ANO2: variants seen among roughly 807,000 people sequenced by gnomAD.
The protein encoded by ANO2 is anoctamin 2.
Under a neutral mutation model 124.2 loss-of-function variants are expected in ANO2, and 101 were observed. The ratio of observed to expected loss-of-function variants is 0.81; its 90% CI spans 0.69 to 0.96. The LOEUF (loss-of-function observed/expected upper bound fraction) is 0.96. ANO2 is among the 40% of genes least tolerant of loss of function. ANO2 has a pLI of 0.00. For synonymous variants in ANO2, 486 were observed against 482.5 expected (o/e 1.01, Z -0.09); for missense variants, 1,293 against 1,274.5 (o/e 1.01, Z -0.22).
At chr12:5,598,542 G>T (rs901469776) in intron 20 of ANO2, among the ~76,000 whole-genome samples, 1 of 152,040 alleles carries the variant, frequency 6.6e-6, no homozygotes, top group African/African-American at 2.4e-5. Flanking sequence ...TTTTAGTAGA[G>T]ATGGAGTTTC....
intron 3 of ANO2, among the ~76,000 whole-genome samples, chr12:5,859,130 A>G (rs1268034123): frequency 4.6e-5 from 7 of 152,238 alleles, no homozygotes; most frequent in Non-Finnish European, 1.0e-4. Flanking sequence ...ATAAGTAATC[A>G]ATATGACTGG....
At chr12:5,643,994 T>C (rs1946512602) in intron 15 of ANO2, among the ~76,000 whole-genome samples, 1 of 152,236 alleles carries the variant, frequency 6.6e-6, no homozygotes, top group Non-Finnish European at 1.5e-5. Context: ...CAGAGTTTAT[T>C]AGGTATTTTA....
intron 12 of ANO2, 122 bp downstream of exon 12, chr12:5,744,035 T>TGAG: frequency 1.7e-6 from 2 of 1,192,214 alleles, no homozygotes; most frequent in African/African-American, 3.1e-5. Flanking sequence ...TTAAAATACT[T>TGAG]CTTGTGATGG....
chr12:5,599,730 C>T lies in ANO2; in HGVS notation c.2088-101G>A, dbSNP rs1041979276. On this transcript the variant is annotated intron_variant, in intron 19 of 24. Coordinates refer to ENST00000682330, the MANE Select transcript of ANO2 (RefSeq NM_001364791.2). The stretch of plus-strand genomic sequence containing the variant: ...GAACACAAAAGTTTTGACACTAAAG[C>T]CATCTCTGATCCAAAAACAAGTAGA... 6 of 1,304,470 alleles carry T rather than the reference C, an allele frequency of 4.6e-6. No homozygotes were observed. The African/African-American group carries it at 7.5e-5, about 16-fold the overall frequency. The allele number at this position is 1,304,470 out of a possible 1,614,324, so 80.8% of individuals were successfully genotyped here.
At chr12:5,751,541 G>C (rs147820160) in intron 10 of ANO2, among the ~76,000 whole-genome samples, 1 of 152,250 alleles carries the variant, frequency 6.6e-6, no homozygotes, top group East Asian at 1.9e-4. Flanking sequence ...TTTTAAGCCA[G>C]TTTACTGAGG....
chr12:5,771,618 A>G (rs1952084517), intron 10 of ANO2, among the ~76,000 whole-genome samples: 2 of 152,000 alleles, frequency 1.3e-5, no homozygotes, highest in Admixed American at 1.3e-4. Flanking sequence ...CCTCTCTACT[A>G]AAAATACAAA....
At chr12:5,918,598 C>T (rs1030440854) in intron 3 of ANO2, among the ~76,000 whole-genome samples, 2 of 152,110 alleles carry the variant, frequency 1.3e-5, no homozygotes, top group Admixed American at 6.5e-5. Context: ...CACCATCACG[C>T]CTGGCTAACT....
chr12:5,782,433 T>G (rs531140001), intron 10 of ANO2, among the ~76,000 whole-genome samples: 58 of 152,364 alleles, frequency 3.8e-4, no homozygotes, highest in South Asian at 2.3e-3. Flanking sequence ...TTATACTTAA[T>G]GTAATTATCA....
intron 14 of ANO2, among the ~76,000 whole-genome samples, chr12:5,730,157 TA>T (rs769130498): frequency 3.3e-5 from 5 of 152,308 alleles, no homozygotes; most frequent in East Asian, 1.9e-4. Context: ...TGTGCATATA[TA>T]AAAATATGCA....
At chr12:5,757,946 T>C (rs1347397050) in intron 10 of ANO2, among the ~76,000 whole-genome samples, 1 of 152,214 alleles carries the variant, frequency 6.6e-6, no homozygotes, top group Admixed American at 6.5e-5. Context: ...TTTGCCCTTA[T>C]GCACAAGGTC....
At chr12:5,851,826 G>A in intron 4 of ANO2, 1 of 682,260 alleles carries the variant, frequency 1.5e-6, no homozygotes. Flanking sequence ...AAGACGGGAA[G>A]GAAAGCAAAG....
At chr12:5,576,135 T>G in intron 22 of ANO2, 120 bp from the exon 23 acceptor site, 3 of 1,041,310 alleles carry the variant, frequency 2.9e-6, no homozygotes, top group Non-Finnish European at 4.0e-6. Flanking sequence ...TGCAGCATGA[T>G]CAGGTCCCTG....
At chr12:5,591,368 A>T (rs1040711285) in intron 20 of ANO2, among the ~76,000 whole-genome samples, 1 of 152,208 alleles carries the variant, frequency 6.6e-6, no homozygotes, top group Non-Finnish European at 1.5e-5. Context: ...CTTAAAGAAC[A>T]TGCAATGGTT....
Position 5,624,303 on chromosome 12 carries a change from G to A in ANO2, c.1817-9006C>T, listed in dbSNP as rs116552638. On this transcript the variant is annotated intron_variant, in intron 16 of 24. Transcript: ENST00000682330. ...GACAGAGAGACAGACAGACAGAGGCGTATTCTGTTATAGGCCAATCATGAG... is the reference window on the plus strand; with the variant it reads ...GACAGAGAGACAGACAGACAGAGGCATATTCTGTTATAGGCCAATCATGAG... Among the ~76,000 whole-genome samples the A allele has an allele frequency of 5.4e-3, 810 of 151,094 alleles. 6 individuals are homozygous for A. The highest frequency in any genetic ancestry group is 0.018 in the African/African-American group (742 of 40,554).
At chr12:5,712,522 T>C (rs1003372268) in intron 14 of ANO2, among the ~76,000 whole-genome samples, 5 of 152,142 alleles carry the variant, frequency 3.3e-5, no homozygotes, top group Non-Finnish European at 7.3e-5. Flanking sequence ...AGATGGATTC[T>C]CTCCTAGAGA....
At chr12:5,571,793 G>A (rs1051464212) in intron 23 of ANO2, among the ~76,000 whole-genome samples, 9 of 152,050 alleles carry the variant, frequency 5.9e-5, no homozygotes, top group African/African-American at 2.2e-4. Context: ...CATCCATAGA[G>A]GTTATGCCTC....
At chr12:5,909,924 C>A (rs2136290947) in intron 3 of ANO2, among the ~76,000 whole-genome samples, 1 of 152,216 alleles carries the variant, frequency 6.6e-6, no homozygotes, top group African/African-American at 2.4e-5. Flanking sequence ...AATCTATGGA[C>A]CCTACTCAGA....
intron 14 of ANO2, among the ~76,000 whole-genome samples, chr12:5,678,218 G>A (rs1277988910): frequency 3.3e-5 from 5 of 152,138 alleles, no homozygotes; most frequent in African/African-American, 9.7e-5. Flanking sequence ...ATGTCCTGAC[G>A]CTGATTGAGA....
At chr12:5,924,024 C>A (rs570128080) in intron 1 of ANO2, among the ~76,000 whole-genome samples, 1 of 152,332 alleles carries the variant, frequency 6.6e-6, no homozygotes, top group South Asian at 2.1e-4. Flanking sequence ...ATTAGCCTGA[C>A]GGCATGTGAT....
Sources: allele counts gnomAD v4.1 joint callset (sites outside exome capture counted in the v4.1 genomes callset), GRCh38; gene constraint gnomAD v4.1.1; transcripts MANE v1.5; gene names NCBI Gene and HGNC (gene_info 2026-07-23, HGNC 2026-07-21).